Variants in FREM2 observed in about 807,000 individuals in gnomAD.
FREM2 encodes FRAS1 related extracellular matrix 2, also known as FRAS1-related extracellular matrix protein 2.
A neutral mutation model predicts 219.9 loss-of-function variants in FREM2; 119 were observed. The observed-to-expected ratio is 0.54, with a 90% CI of 0.47 to 0.63. The LOEUF is 0.63. Ranked by LOEUF, FREM2 falls within the 30% of genes least tolerant of loss-of-function variation. The probability of loss-of-function intolerance (pLI) is 0.00; values close to 1 mark genes in which losing one functional copy is unlikely to be tolerated. For missense variants in FREM2, 4,030 were observed against 3,993.6 expected, an observed-to-expected ratio of 1.01 and a Z score of -0.25; for synonymous variants, 1,562 against 1,522.8, an observed-to-expected ratio of 1.03 and a Z score of -0.60.
intron 2 of FREM2, among the ~76,000 whole-genome samples, chr13:38,716,329 TG>T (rs1390377330): frequency 1.3e-5 from 2 of 150,998 alleles, no homozygotes; most frequent in Non-Finnish European, 2.9e-5. Flanking sequence ...TAGGTACTTA[TG>T]CAAAATTCGA....
At chr13:38,836,108 T>G (rs928705123) in intron 6 of FREM2, among the ~76,000 whole-genome samples, 1 of 152,232 alleles carries the variant, frequency 6.6e-6, no homozygotes, top group African/African-American at 2.4e-5. Flanking sequence ...TATTTTGAGA[T>G]ATGTTCCATC....
In FREM2 at chr13:38,878,188, C is replaced by G. The variant is rs769340554; in HGVS notation, c.8726C>G (p.Ser2909Cys). The change falls in exon 22 of 24, where the codon TCC becomes TGC. Residue 2909 changes from serine (S) to cysteine (C), a missense_variant. Around this residue, in one of 2 missense-constraint regions of FREM2, gnomAD observed 928 missense variants for 1,042.9 expected, o/e 0.89. Transcript: ENST00000280481. ...MVDPVQNLGD[S>C]FYCSIEKVFL... ...GATCCTGTCCAGAATCTGGGTGACT[C>G]CTTTTACTGCAGCATTGAGAAGGTG... The G allele has an allele frequency of 5.0e-6, 8 of 1,613,740 alleles. No homozygotes were observed. Among genetic ancestry groups the G allele is most frequent in the Non-Finnish European group, 6.8e-6 (8 of 1,179,812 alleles).
chr13:38,747,455 A>C (rs1296306999), intron 2 of FREM2, among the ~76,000 whole-genome samples: 3 of 147,964 alleles, frequency 2.0e-5, no homozygotes. Context: ...AAATCTCCAG[A>C]GTGCCTGGTG....
intron 2 of FREM2, among the ~76,000 whole-genome samples, chr13:38,729,479 T>A (rs1405193894): frequency 3.3e-5 from 5 of 152,226 alleles, no homozygotes; most frequent in Non-Finnish European, 2.9e-5. Context: ...GTGATTTTTT[T>A]ATTTTCATAA....
chr13:38,837,775 G>GTTTTTTTTTTTTTTTTTTTTTTT (rs1555270912), intron 6 of FREM2, among the ~76,000 whole-genome samples: 12 of 128,822 alleles, frequency 9.3e-5, no homozygotes, highest in Non-Finnish European at 1.4e-4. Flanking sequence ...GTTTTTTTTT[G>GTTTTTTTTTTTTTTTTTTTTTTT]TTTTGTTTTG....
Position 38,765,220 on chromosome 13 carries a change from A to G in FREM2, c.5410+770A>G, listed in dbSNP as rs529550400. ...CCACCGCGCCCGGCCTCAAGTTCAT[A>G]TTTGATTTTCATAGAAGCATAAAAT... On this transcript the variant is annotated intron_variant, in intron 3 of 23. Coordinates refer to ENST00000280481, the MANE Select transcript of FREM2 (RefSeq NM_207361.6). Among the ~76,000 whole-genome samples, 3 of 152,264 alleles carry G rather than the reference A, an allele frequency of 2.0e-5. No individual in the cohort carries two copies. In the South Asian group the frequency reaches 6.2e-4, roughly 32 times the overall value.
chr13:38,835,921 T>G (rs947255677), intron 6 of FREM2, among the ~76,000 whole-genome samples: 3 of 152,210 alleles, frequency 2.0e-5, no homozygotes, highest in Non-Finnish European at 4.4e-5. Flanking sequence ...TCTTCCTATA[T>G]GAATACCTTT....
chr13:38,714,487 G>A (rs1401561378), intron 2 of FREM2, among the ~76,000 whole-genome samples: 1 of 152,148 alleles, frequency 6.6e-6, no homozygotes, highest in Non-Finnish European at 1.5e-5. Flanking sequence ...GTTGGTGAAA[G>A]GATACAAAAT....
chr13:38,801,210 C>A (rs1313871841), intron 6 of FREM2, among the ~76,000 whole-genome samples: 1 of 152,096 alleles, frequency 6.6e-6, no homozygotes, highest in Non-Finnish European at 1.5e-5. Context: ...AAAATTATTT[C>A]TTTGGTAAAA....
At chr13:38,848,353 C>A in intron 7 of FREM2, 108 bp from the exon 8 acceptor site, 1 of 831,736 alleles carries the variant, frequency 1.2e-6, no homozygotes, top group South Asian at 1.4e-5. Flanking sequence ...TTATGCTGGT[C>A]TCTATTTTTT....
chr13:38,853,333 AAAAC>A (rs1312935647), intron 11 of FREM2, among the ~76,000 whole-genome samples: 3 of 151,902 alleles, frequency 2.0e-5, no homozygotes, highest in Non-Finnish European at 4.4e-5. Flanking sequence ...AAAAAAAAAA[AAAAC>A]AAATCAGTTC....
chr13:38,692,424 A>G lies in FREM2; in HGVS notation c.5080A>G (p.Ile1694Val). 6.2e-7 allele frequency: 1 copy of G among 1,613,740 alleles called. No individual in the cohort carries two copies. Among genetic ancestry groups the G allele is most frequent in the South Asian group, 1.1e-5 (1 of 91,044 alleles). Residue 1694 changes from isoleucine (I) to valine (V), a missense_variant, in exon 1 of 24, where the codon ATT (isoleucine) becomes GTT (valine). By Grantham distance (29) the Ile-to-Val change is conservative. This residue lies in a region of FREM2 where 3,102 missense variants were observed against 2,950.7 expected (regional missense o/e 1.05). Coordinates refer to ENST00000280481, the MANE Select transcript of FREM2 (RefSeq NM_207361.6). ...LKVEDRDSLH[I>V]SLRFIVTEAP... is the part of the protein sequence containing the mutation. ...AGTGGAGGACAGAGACAGCTTACAC[A>G]TTTCTCTTAGATTTATCGTGACAGA...
chr13:38,688,007 G>A lies in FREM2; in HGVS notation c.663G>A (p.Leu221=), dbSNP rs376578444. ...PETEECRVGI[L]SGLGALPRYG... is the part of the protein sequence containing the mutation. ...CAGAGGAGTGCCGCGTGGGCATCCT[G>A]TCCGGCTTGGGCGCGCTGCCTCGCT... The change falls in exon 1 of 24, where the codon CTG becomes CTA. Residue 221 remains leucine (L), a synonymous_variant. Transcript: ENST00000280481. 2 of 1,612,040 alleles carry A rather than the reference G, an allele frequency of 1.2e-6. No homozygotes were observed. Among genetic ancestry groups the A allele is most frequent in the Admixed American group, 3.3e-5 (2 of 59,966 alleles).
At chr13:38,822,485 A>T (rs1474994905) in intron 6 of FREM2, among the ~76,000 whole-genome samples, 1 of 151,818 alleles carries the variant, frequency 6.6e-6, no homozygotes, top group Non-Finnish European at 1.5e-5. Flanking sequence ...AGATGATCCT[A>T]TAAATACAAG....
At chr13:38,870,081 TAAAC>T (rs1045750568) in intron 16 of FREM2, among the ~76,000 whole-genome samples, 1 of 152,208 alleles carries the variant, frequency 6.6e-6, no homozygotes, top group Non-Finnish European at 1.5e-5. Context: ...TTTGGAAAAG[TAAAC>T]AAATTTTTTT....
intron 2 of FREM2, among the ~76,000 whole-genome samples, chr13:38,730,808 G>T (rs941959734): frequency 3.9e-5 from 6 of 152,024 alleles, no homozygotes; most frequent in African/African-American, 1.5e-4. Flanking sequence ...AAATATTATT[G>T]TTTGTGTATT....
chr13:38,718,642 C>T (rs1871103095), intron 2 of FREM2, among the ~76,000 whole-genome samples: 1 of 150,980 alleles, frequency 6.6e-6, no homozygotes, highest in Admixed American at 6.6e-5. Context: ...GTTTCTCCCT[C>T]TCTCTTTTTC....
chr13:38,788,385 A>G (rs1462388650), intron 6 of FREM2, among the ~76,000 whole-genome samples: 4 of 152,126 alleles, frequency 2.6e-5, no homozygotes, highest in Non-Finnish European at 5.9e-5. Flanking sequence ...TGGTTTATCT[A>G]TTAATACTGT....
chr13:38,741,461 G>A (rs1872245495), intron 2 of FREM2, among the ~76,000 whole-genome samples: 1 of 152,102 alleles, frequency 6.6e-6, no homozygotes, highest in Non-Finnish European at 1.5e-5. Context: ...ACCACAAAAT[G>A]GGTGCTCAAT....
Sources: gnomAD v4.1 joint callset for allele counts (sites outside exome capture counted in the v4.1 genomes callset) on GRCh38, gnomAD v4.1.1 for gene constraint, gnomAD v4.1.1 regional missense constraint, MANE v1.5 for transcripts, NCBI Gene and HGNC (gene_info 2026-07-23, HGNC 2026-07-21) for gene names.